The following ANKFN1 variants were observed in gnomAD, a reference collection of about 807,000 sequenced individuals.
The protein encoded by ANKFN1 is ankyrin repeat and fibronectin type-III domain-containing protein 1.
A neutral mutation model predicts 108.7 loss-of-function variants in ANKFN1; 74 were observed. That is an observed-to-expected ratio of 0.68 (90% CI 0.56 to 0.83). The LOEUF (loss-of-function observed/expected upper bound fraction) is 0.83. Ranked by LOEUF, ANKFN1 falls within the 40% of genes least tolerant of loss-of-function variation. The pLI is 0.00. For missense variants in ANKFN1, 1,505 were observed against 1,382.3 expected (o/e 1.09, Z -1.41); for synonymous variants, 547 against 516.2 (o/e 1.06, Z -0.81).
chr17:56,290,991 C>A (rs767923982), intron 3 of ANKFN1, among the ~76,000 whole-genome samples: 1 of 152,110 alleles, frequency 6.6e-6, no homozygotes, highest in Non-Finnish European at 1.5e-5. Context: ...TTAAATAGTT[C>A]CATCCTAGAG....
intron 3 of ANKFN1, among the ~76,000 whole-genome samples, chr17:56,233,521 G>T (rs910710374): frequency 6.6e-6 from 1 of 151,918 alleles, no homozygotes; most frequent in Non-Finnish European, 1.5e-5. Context: ...TTCTGTCTGT[G>T]CTTTATAAAA....
intron 18 of ANKFN1, 86 bp downstream of exon 18, chr17:56,482,610 G>A (rs932903666): frequency 1.4e-6 from 2 of 1,468,456 alleles, no homozygotes; most frequent in Non-Finnish European, 1.8e-6. Context: ...CCTTGTCCCA[G>A]TGGAGGGTCA....
intron 5 of ANKFN1, among the ~76,000 whole-genome samples, chr17:56,351,537 T>A (rs2046249038): frequency 6.6e-6 from 1 of 152,098 alleles, no homozygotes; most frequent in Admixed American, 6.6e-5. Context: ...TACCTGTACC[T>A]GAAATTTATC....
At chr17:56,342,743 G>A (rs552152309) in intron 4 of ANKFN1, among the ~76,000 whole-genome samples, 1 of 152,182 alleles carries the variant, frequency 6.6e-6, no homozygotes, top group South Asian at 2.1e-4. Context: ...TAAGTACCAT[G>A]TGGTGATTAG....
chr17:56,076,648 T>C (rs1409596179), intron 4 of ANKFN1, among the ~76,000 whole-genome samples: 2 of 152,182 alleles, frequency 1.3e-5, no homozygotes, highest in Non-Finnish European at 2.9e-5. Flanking sequence ...CGTTTCTCCA[T>C]CTGTGGAATG....
chr17:56,060,796 G>A (rs1403975656), intron 4 of ANKFN1, among the ~76,000 whole-genome samples: 1 of 152,180 alleles, frequency 6.6e-6, no homozygotes, highest in Non-Finnish European at 1.5e-5. Flanking sequence ...TGATCGTGGT[G>A]TATATTTCTT....
intron 11 of ANKFN1, among the ~76,000 whole-genome samples, chr17:56,452,034 C>T (rs2049506728): frequency 6.6e-6 from 1 of 152,150 alleles, no homozygotes; most frequent in African/African-American, 2.4e-5. Flanking sequence ...AGATGTTAAG[C>T]AAGCTTCATT....
chr17:56,194,561 T>A (rs1913321609), intron 1 of ANKFN1, among the ~76,000 whole-genome samples: 1 of 152,096 alleles, frequency 6.6e-6, no homozygotes, highest in Non-Finnish European at 1.5e-5. Flanking sequence ...ATGAAGACAG[T>A]AAAAAGATCA....
At chr17:56,122,114 A>G (rs533546483) in intron 4 of ANKFN1, among the ~76,000 whole-genome samples, 1 of 152,334 alleles carries the variant, frequency 6.6e-6, no homozygotes, top group Non-Finnish European at 1.5e-5. Flanking sequence ...CTAGAATTGG[A>G]CAGTCTGAGT....
chr17:56,342,768 T>A (rs2045992874), intron 4 of ANKFN1, among the ~76,000 whole-genome samples: 1 of 152,092 alleles, frequency 6.6e-6, no homozygotes, highest in South Asian at 2.1e-4. Context: ...GTGTATATTC[T>A]GTTGTTCTGG....
chr17:56,073,431 T>G (rs1375423963), intron 4 of ANKFN1, among the ~76,000 whole-genome samples: 1 of 152,258 alleles, frequency 6.6e-6, no homozygotes, highest in Non-Finnish European at 1.5e-5. Flanking sequence ...TGTTCCATAT[T>G]TATGTCTGTT....
intron 4 of ANKFN1, among the ~76,000 whole-genome samples, chr17:56,094,992 G>A (rs992284609): frequency 2.0e-5 from 3 of 150,908 alleles, no homozygotes; most frequent in Non-Finnish European, 4.4e-5. Flanking sequence ...TAGCAGTAAG[G>A]GTTAAATTGT....
chr17:56,167,314 C>CATATATATAT (rs1486250052), intron 1 of ANKFN1, among the ~76,000 whole-genome samples: 1 of 69,894 alleles, frequency 1.4e-5, no homozygotes, highest in African/African-American at 6.7e-5. Flanking sequence ...TACACACACA[C>CATATATATAT]ACACATATAT....
At chr17:56,328,981 C>T (rs898405942) in intron 4 of ANKFN1, among the ~76,000 whole-genome samples, 1 of 152,152 alleles carries the variant, frequency 6.6e-6, no homozygotes, top group Non-Finnish European at 1.5e-5. Context: ...CACCAGCTCT[C>T]ATGGGGTAAT....
chr17:56,147,725 C>T (rs749486276), intron 4 of ANKFN1, among the ~76,000 whole-genome samples: 17 of 152,112 alleles, frequency 1.1e-4, no homozygotes, highest in Non-Finnish European at 2.2e-4. Context: ...TTTCATTTTT[C>T]AAGAAATCTT....
intron 4 of ANKFN1, among the ~76,000 whole-genome samples, chr17:56,076,420 T>G (rs1319717254): frequency 2.6e-5 from 4 of 152,204 alleles, no homozygotes; most frequent in Non-Finnish European, 5.9e-5. Context: ...ACATTGACAA[T>G]GCATGATGGA....
At chr17:56,088,761 A>G (rs1197424051) in intron 4 of ANKFN1, among the ~76,000 whole-genome samples, 2 of 151,242 alleles carry the variant, frequency 1.3e-5, no homozygotes, top group African/African-American at 4.9e-5. Flanking sequence ...GATTTTCTGT[A>G]AGCTTTGTCC....
chr17:56,160,294 A>G (rs1598158112), intron 1 of ANKFN1, among the ~76,000 whole-genome samples: 2 of 152,232 alleles, frequency 1.3e-5, no homozygotes, highest in Admixed American at 1.3e-4. Context: ...TGTAGTGGAG[A>G]GAAAGGTAAA....
In ANKFN1 at chr17:56,515,417, G is replaced by T. The variant is rs774295786; in HGVS notation, c.*4148G>T. Among the ~76,000 whole-genome samples the T allele has an allele frequency of 7.2e-5, 11 of 152,116 alleles. No individual in the cohort carries two copies. Among genetic ancestry groups the T allele is most frequent in the Non-Finnish European group, 1.5e-4 (10 of 68,012 alleles). ...GCAAACCTGGACTTTTTTCTTCAAG[G>T]TCGTATCTTCAAGGAAATTTTTAAA... On this transcript the variant is annotated 3_prime_UTR_variant, in exon 21 of 21. Transcript: ENST00000682825.
Sources: gnomAD v4.1 joint callset for allele counts (sites outside exome capture counted in the v4.1 genomes callset) on GRCh38, gnomAD v4.1.1 for gene constraint, MANE v1.5 for transcripts, NCBI Gene and HGNC (gene_info 2026-07-23, HGNC 2026-07-21) for gene names.